KMT2C: variants seen among roughly 807,000 people sequenced by gnomAD.
KMT2C encodes the protein histone-lysine N-methyltransferase 2C.
A neutral mutation model predicts 507.9 loss-of-function variants in KMT2C; 88 were observed. That is an observed-to-expected ratio of 0.17 (90% confidence interval 0.15 to 0.21). The LOEUF (loss-of-function observed/expected upper bound fraction) is 0.21, where lower values mean the gene tolerates loss of function less well. Ranked by LOEUF, KMT2C falls within the 10% of genes least tolerant of loss-of-function variation. The probability of loss-of-function intolerance (pLI) is 1.00; values close to 1 mark genes in which losing one functional copy is unlikely to be tolerated. For synonymous variants in KMT2C, 2,049 were observed against 2,080.8 expected (o/e 0.98, Z 0.42); for missense variants, 4,954 against 5,957.8 (o/e 0.83, Z 5.55).
chr7:152,271,673 C>CA (rs35698920), intron 7 of KMT2C, among the ~76,000 whole-genome samples: 9,802 of 50,576 alleles, frequency 0.19, 792 homozygotes, highest in African/African-American at 0.31. Flanking sequence ...GACTCCATCT[C>CA]AAAAAAAAAA....
intron 1 of KMT2C, among the ~76,000 whole-genome samples, chr7:152,359,174 G>C (rs898989701): frequency 6.6e-6 from 1 of 150,568 alleles, no homozygotes; most frequent in African/African-American, 2.4e-5. Context: ...AATTAAGCAC[G>C]ATTATAATCA....
chr7:152,149,298 G>T, intron 51 of KMT2C, 146 bp from the exon 52 acceptor site: 1 of 648,844 alleles, frequency 1.5e-6, no homozygotes, highest in Non-Finnish European at 2.3e-6. Flanking sequence ...AGTGCTGGGG[G>T]CTCATGCACC....
intron 9 of KMT2C, among the ~76,000 whole-genome samples, chr7:152,257,842 T>C (rs947957113): frequency 2.5e-4 from 38 of 151,654 alleles, no homozygotes; most frequent in African/African-American, 7.8e-4. Context: ...ACACTAACGA[T>C]AGCCGATGAG....
chr7:152,167,909 G>C (rs1242912585), intron 41 of KMT2C, among the ~76,000 whole-genome samples: 1 of 151,932 alleles, frequency 6.6e-6, no homozygotes, highest in Non-Finnish European at 1.5e-5. Flanking sequence ...GTTTTAGAAT[G>C]GAATAATTTA....
In KMT2C at chr7:152,238,822, G is replaced by C; in HGVS notation, c.2537C>G (p.Ala846Gly). 1 of 1,600,356 alleles carries C rather than the reference G, an allele frequency of 6.2e-7. No homozygotes were observed. ...GCTCACTGTATTATGGGTACTCCAA[G>C]CCCCCTAGGATATGGCAGTTGAGAA... Reference protein sequence around the residue: ...SPGRPRSKQGAWSTHNTVSPP... With the variant: ...SPGRPRSKQGGWSTHNTVSPP... The change falls in exon 15 of 59, where the codon GCT (alanine) becomes GGT (glycine). Residue 846 changes from alanine (A) to glycine (G), a missense_variant. By Grantham distance (60) the Ala-to-Gly change is moderately conservative. Around this residue, in one of 29 missense-constraint regions of KMT2C, gnomAD observed 62 missense variants for 137.2 expected, o/e 0.45. Transcript: ENST00000262189.
At chr7:152,295,230 A>G (rs1445855100) in intron 6 of KMT2C, among the ~76,000 whole-genome samples, 2 of 152,246 alleles carry the variant, frequency 1.3e-5, no homozygotes, top group Non-Finnish European at 2.9e-5. Flanking sequence ...TTTGTCTTCA[A>G]GTAAACCTTT....
intron 1 of KMT2C, among the ~76,000 whole-genome samples, chr7:152,394,223 T>C (rs1287191211): frequency 2.2e-5 from 3 of 137,662 alleles, no homozygotes; most frequent in Non-Finnish European, 4.8e-5. Flanking sequence ...CATGAGAGTT[T>C]TAGAGTCTTG....
intron 1 of KMT2C, among the ~76,000 whole-genome samples, chr7:152,364,970 C>G (rs559185221): frequency 4.0e-4 from 60 of 151,322 alleles, no homozygotes; most frequent in African/African-American, 1.4e-3. Context: ...CACACACACA[C>G]GTACCAGTAA....
chr7:152,139,974 A>C (rs2090344937), intron 55 of KMT2C, among the ~76,000 whole-genome samples, 183 bp from the exon 56 acceptor site: 1 of 152,176 alleles, frequency 6.6e-6, no homozygotes, highest in Non-Finnish European at 1.5e-5. Flanking sequence ...ACTACTTAAA[A>C]CTATGCCATC....
intron 43 of KMT2C, among the ~76,000 whole-genome samples, chr7:152,160,581 T>C (rs895978778): frequency 2.6e-5 from 4 of 151,370 alleles, no homozygotes; most frequent in Admixed American, 6.6e-5. Context: ...CCCCAAGGAC[T>C]GCACTCTGAG....
At chr7:152,309,252 T>C (rs977913508) in intron 6 of KMT2C, among the ~76,000 whole-genome samples, 6 of 152,044 alleles carry the variant, frequency 3.9e-5, no homozygotes, top group African/African-American at 1.4e-4. Flanking sequence ...GTAAACTACT[T>C]ATTTTAAAAG....
At chr7:152,314,758 CTTAT>C (rs2096707929) in intron 4 of KMT2C, among the ~76,000 whole-genome samples, 1 of 152,024 alleles carries the variant, frequency 6.6e-6, no homozygotes, top group African/African-American at 2.4e-5. Flanking sequence ...AAATTAAAAG[CTTAT>C]TTAGAGAAAC....
At position 152,178,015 on chromosome 7, in the gene KMT2C, TAAAAAAAAAAAAAAAA is replaced by T. The variant is rs746018833; in HGVS notation, c.7443-21_7443-6del. 5.4e-5 allele frequency: 44 copies of T among 811,068 alleles called. 1 individual carries two copies. Among genetic ancestry groups the T allele is most frequent in the Middle Eastern group, 5.5e-4 (1 of 1,816 alleles). The allele number at this position is 811,068 out of a possible 1,614,324, so 50.2% of individuals were successfully genotyped here. A position where few individuals can be genotyped will look rare whatever the true frequency, so the allele number is the denominator to read the frequency against. ...CTACCTCCTGGAAATCCAAATCTTT[TAAAAAAAAAAAAAAAA>T]AAAAAAAAAAAGCAAATAGGTATTA... is the stretch of plus-strand genomic sequence containing the variant. On this transcript the variant is annotated splice_polypyrimidine_tract_variant and splice_region_variant and intron_variant, in intron 37 of 58. Transcript: ENST00000262189.
Position 152,391,543 on chromosome 7 carries a change from CTTT to C in KMT2C, c.162-32871_162-32869del, listed in dbSNP as rs71198782. 9.5e-3 allele frequency among the ~76,000 whole-genome samples: 923 copies of C among 97,004 alleles called. 3 individuals carry two copies. Among genetic ancestry groups the C allele is most frequent in the African/African-American group, 0.035 (868 of 24,664 alleles). 63.6% of individuals were successfully genotyped at this position (97,004 alleles called of 152,430 possible). A position where few individuals can be genotyped will look rare whatever the true frequency, so the allele number is the denominator to read the frequency against. The stretch of plus-strand genomic sequence containing the variant: ...AGACATGAGCCACTGCATGCCCGGC[CTTT>C]TTTTTTTTTTTTTTTTTTGACACAG... On this transcript the variant is annotated intron_variant, in intron 1 of 58. Coordinates refer to ENST00000262189, the MANE Select transcript of KMT2C (RefSeq NM_170606.3).
intron 14 of KMT2C, among the ~76,000 whole-genome samples, chr7:152,244,146 C>T (rs1244411802): frequency 6.6e-6 from 1 of 152,078 alleles, no homozygotes; most frequent in Non-Finnish European, 1.5e-5. Context: ...AAGAGCATTC[C>T]TTACAGTATT....
intron 6 of KMT2C, among the ~76,000 whole-genome samples, chr7:152,294,455 T>C (rs1407864143): frequency 1.3e-5 from 2 of 152,154 alleles, no homozygotes; most frequent in African/African-American, 4.8e-5. Flanking sequence ...AGACTCCCGA[T>C]TGCTTCCCAT....
chr7:152,265,826 T>G (rs1220330129), intron 7 of KMT2C, among the ~76,000 whole-genome samples: 1 of 152,082 alleles, frequency 6.6e-6, no homozygotes, highest in Non-Finnish European at 1.5e-5. Flanking sequence ...TAATTATATA[T>G]TCATCTATAT....
chr7:152,390,245 A>G (rs2097481127), intron 1 of KMT2C, among the ~76,000 whole-genome samples: 1 of 129,250 alleles, frequency 7.7e-6, no homozygotes, highest in South Asian at 2.5e-4. Context: ...AAAGAAAAAA[A>G]GTATTAAATG....
In KMT2C at chr7:152,146,689, C is replaced by T; in HGVS notation, c.13941G>A (p.Lys4647=). Residue 4647 remains lysine, a synonymous_variant, in exon 53 of 59, where the codon AAG becomes AAA. Coordinates refer to ENST00000262189, the MANE Select transcript of KMT2C (RefSeq NM_170606.3). ...ILEPVACVRK[K]SEMLQLFPAY... is the part of the protein sequence containing the mutation. The stretch of plus-strand genomic sequence containing the variant: ...CTGGGAAAAGCTGGAGCATTTCAGA[C>T]TTTTTTCTCACACATGCCACAGGCT... 1 of 1,614,094 alleles carries T rather than the reference C, an allele frequency of 6.2e-7. No homozygotes were observed. Among genetic ancestry groups the T allele is most frequent in the East Asian group, 2.2e-5 (1 of 44,882 alleles).
Sources: allele counts gnomAD v4.1 joint callset (sites outside exome capture counted in the v4.1 genomes callset), GRCh38; gene constraint gnomAD v4.1.1; regional missense constraint gnomAD v4.1.1; transcripts MANE v1.5; gene names NCBI Gene and HGNC (gene_info 2026-07-23, HGNC 2026-07-21).